The following CMSS1 variants were observed in gnomAD, a reference collection of about 807,000 sequenced individuals.
CMSS1 encodes protein CMSS1.
In CMSS1, 33 loss-of-function variants were observed where a neutral mutation model predicts 43.5. The observed-to-expected ratio is 0.76, with a 90% CI of 0.57 to 1.01. The LOEUF is 1.01. Ranked by LOEUF, CMSS1 falls within the 50% of genes least tolerant of loss-of-function variation. CMSS1 has a pLI of 0.00. For missense variants in CMSS1, 313 were observed against 326.4 expected, an observed-to-expected ratio of 0.96 and a Z score of 0.32; for synonymous variants, 115 against 117.2, an observed-to-expected ratio of 0.98 and a Z score of 0.12.
chr3:99,983,384 A>G (rs1325428039), intron 1 of CMSS1, among the ~76,000 whole-genome samples: 1 of 32,318 alleles, frequency 3.1e-5, no homozygotes, highest in Non-Finnish European at 7.5e-5. Context: ...AAAAATAAAT[A>G]AATAAATATA....
chr3:100,070,735 A>G (rs1233391413), intron 1 of CMSS1, among the ~76,000 whole-genome samples: 2 of 152,122 alleles, frequency 1.3e-5, no homozygotes, highest in South Asian at 2.1e-4. Context: ...GGGTTCAAGC[A>G]GTTCTCCTGC....
intron 1 of CMSS1, among the ~76,000 whole-genome samples, chr3:100,102,827 G>T (rs2066332347): frequency 1.3e-5 from 2 of 152,194 alleles, no homozygotes; most frequent in South Asian, 4.1e-4. Flanking sequence ...AAAGTATTTT[G>T]CAGTGCTATA....
Position 100,122,208 on chromosome 3 carries a change from A to C in CMSS1, c.65-24765A>C, listed in dbSNP as rs183772898. ...AAGACTGCTGTTCATGCTGTGTACA[A>C]GTACCCAGAACCCACTGCAGGGCTT... On this transcript the variant is annotated intron_variant, in intron 1 of 9. Coordinates refer to ENST00000421999, the MANE Select transcript of CMSS1 (RefSeq NM_032359.4). Among the ~76,000 whole-genome samples, 376 of 152,326 alleles carry C rather than the reference A, an allele frequency of 2.5e-3. 10 individuals are homozygous for C. Among genetic ancestry groups the C allele is most frequent in the Non-Finnish European group, 7.9e-4 (54 of 68,024 alleles).
chr3:100,021,915 T>TTG (rs61704772), intron 1 of CMSS1, among the ~76,000 whole-genome samples: 1,874 of 105,774 alleles, frequency 0.018, 8 homozygotes, highest in Non-Finnish European at 0.022. Flanking sequence ...CTAGATCCCA[T>TTG]TGTGTGTGTG....
At chr3:99,901,727 A>G (rs1315068007) in intron 1 of CMSS1, among the ~76,000 whole-genome samples, 3 of 152,186 alleles carry the variant, frequency 2.0e-5, no homozygotes, top group Non-Finnish European at 4.4e-5. Context: ...TTAACTCTGG[A>G]CGGGATGTAA....
At chr3:99,958,687 G>C (rs1369315995) in intron 1 of CMSS1, among the ~76,000 whole-genome samples, 1 of 152,222 alleles carries the variant, frequency 6.6e-6, no homozygotes, top group East Asian at 1.9e-4. Context: ...AGAGCAGGCA[G>C]TGTGAGGCAT....
At chr3:99,984,573 A>C (rs112816644) in intron 1 of CMSS1, among the ~76,000 whole-genome samples, 229 of 152,314 alleles carry the variant, frequency 1.5e-3, no homozygotes, top group African/African-American at 5.1e-3. Flanking sequence ...GCCAAGAGGT[A>C]TCTACCCTTA....
Position 99,955,968 on chromosome 3 carries a change from A to G in CMSS1, c.64+137925A>G, listed in dbSNP as rs1708309197. Among the ~76,000 whole-genome samples, 3 of 152,180 alleles carry G rather than the reference A, an allele frequency of 2.0e-5. No individual in the cohort carries two copies. In the South Asian group the frequency reaches 6.2e-4, roughly 32 times the overall value. ...ATTGTTATGACGTATTTACTTGCCTAACTCCCGGACTTGACCTTGGAGTCC... is the reference window on the plus strand; with the variant it reads ...ATTGTTATGACGTATTTACTTGCCTGACTCCCGGACTTGACCTTGGAGTCC... On this transcript the variant is annotated intron_variant, in intron 1 of 9. Coordinates refer to ENST00000421999, the MANE Select transcript of CMSS1 (RefSeq NM_032359.4).
intron 1 of CMSS1, among the ~76,000 whole-genome samples, chr3:100,120,305 C>T (rs1221659012): frequency 1.3e-5 from 2 of 152,210 alleles, no homozygotes; most frequent in Non-Finnish European, 2.9e-5. Flanking sequence ...TGCTTTCTTC[C>T]TTGTGTGCCC....
intron 8 of CMSS1, 191 bp from the exon 9 acceptor site, chr3:100,176,135 AT>A (rs1489845541): frequency 2.0e-6 from 1 of 499,042 alleles, no homozygotes; most frequent in Non-Finnish European, 3.6e-6. Context: ...TGATGAGATG[AT>A]AAGAAGAGCA....
chr3:100,090,201 A>AC (rs1296792391), intron 1 of CMSS1, among the ~76,000 whole-genome samples: 48 of 152,314 alleles, frequency 3.2e-4, no homozygotes, highest in African/African-American at 1.0e-3. Flanking sequence ...GGCCCCAGGC[A>AC]CCTTTGTCCA....
rs78824942 is a variant in CMSS1 at position 100,027,941 on chromosome 3, C to A, written c.65-119032C>A. Among the ~76,000 whole-genome samples the A allele has an allele frequency of 6.2e-4, 94 of 152,228 alleles. No homozygotes were observed. The East Asian group carries it at 0.017, about 28-fold the overall frequency. The stretch of plus-strand genomic sequence containing the variant: ...GGAGAGTAGACAGGGCCAAATCTTG[C>A]AGACCATGGTAAGGAGTTTGAATGC... On this transcript the variant is annotated intron_variant, in intron 1 of 9. Coordinates refer to ENST00000421999, the MANE Select transcript of CMSS1 (RefSeq NM_032359.4).
At chr3:99,924,558 G>A (rs1215919771) in intron 1 of CMSS1, 1 of 775,642 alleles carries the variant, frequency 1.3e-6, no homozygotes, top group Non-Finnish European at 2.1e-6. Flanking sequence ...CGCTGTCGTT[G>A]CCCAGGCTGG....
chr3:99,995,375 C>A (rs1405541786), intron 1 of CMSS1, among the ~76,000 whole-genome samples: 2 of 152,224 alleles, frequency 1.3e-5, no homozygotes, highest in African/African-American at 2.4e-5. Flanking sequence ...TCTTAGGCAG[C>A]TCAGCCCCTG....
intron 1 of CMSS1, among the ~76,000 whole-genome samples, chr3:100,011,237 A>C (rs908933436): frequency 6.6e-6 from 1 of 152,058 alleles, no homozygotes; most frequent in Non-Finnish European, 1.5e-5. Context: ...TAGGTTATGA[A>C]CTTAGGAATT....
intron 1 of CMSS1, among the ~76,000 whole-genome samples, chr3:100,027,574 C>A (rs1291751361): frequency 6.6e-6 from 1 of 152,096 alleles, no homozygotes; most frequent in Admixed American, 6.6e-5. Context: ...CCACATGTAC[C>A]CTCCTACTTC....
At chr3:100,052,286 G>T (rs575871643) in intron 1 of CMSS1, among the ~76,000 whole-genome samples, 2 of 152,160 alleles carry the variant, frequency 1.3e-5, no homozygotes, top group Non-Finnish European at 2.9e-5. Context: ...GTCCAGAAAC[G>T]AATAAAAAAC....
chr3:100,123,154 G>C (rs2066635401), intron 1 of CMSS1, among the ~76,000 whole-genome samples: 1 of 152,208 alleles, frequency 6.6e-6, no homozygotes, highest in Non-Finnish European at 1.5e-5. Flanking sequence ...AGAAAATCAT[G>C]ACAGAGAACT....
intron 1 of CMSS1, among the ~76,000 whole-genome samples, chr3:99,831,024 ATGAG>A (rs1374195378): frequency 3.9e-5 from 6 of 152,166 alleles, no homozygotes; most frequent in African/African-American, 1.4e-4. Flanking sequence ...TTTTCACAGT[ATGAG>A]TGAGATGGGC....
Sources: gnomAD v4.1 joint callset for allele counts (sites outside exome capture counted in the v4.1 genomes callset) on GRCh38, gnomAD v4.1.1 for gene constraint, MANE v1.5 for transcripts, NCBI Gene and HGNC (gene_info 2026-07-23, HGNC 2026-07-21) for gene names.